RABL3: variants seen among roughly 807,000 people sequenced by gnomAD.
The protein encoded by RABL3 is RAB, member of RAS oncogene family like 3, also known as rab-like protein 3.
Under a neutral mutation model 31.8 loss-of-function variants are expected in RABL3, and 31 were observed. The observed-to-expected ratio is 0.97, with a 90% confidence interval of 0.73 to 1.31. The LOEUF (loss-of-function observed/expected upper bound fraction) is 1.31. Ranked by LOEUF, RABL3 falls within the 40% of genes most tolerant of loss-of-function variation. The pLI is 0.00. For synonymous variants in RABL3, 97 were observed against 99.9 expected (o/e 0.97, Z 0.18); for missense variants, 263 against 279.6 (o/e 0.94, Z 0.42).
intron 3 of RABL3, among the ~76,000 whole-genome samples, chr3:120,707,787 T>G (rs1708568289): frequency 6.6e-6 from 1 of 152,092 alleles, no homozygotes; most frequent in African/African-American, 2.4e-5. Context: ...GATCTTTAGG[T>G]AAGACTTTTG....
intron 1 of RABL3, among the ~76,000 whole-genome samples, chr3:120,738,359 T>C (rs990152309): frequency 6.6e-6 from 1 of 152,216 alleles, no homozygotes; most frequent in South Asian, 2.1e-4. Context: ...AAAAGCACAG[T>C]ATTAGGGTGG....
chr3:120,714,269 G>A (rs2107585110), intron 2 of RABL3, among the ~76,000 whole-genome samples: 1 of 152,280 alleles, frequency 6.6e-6, no homozygotes, highest in South Asian at 2.1e-4. Flanking sequence ...GGTCTTAGGA[G>A]GGAGTTGGTA....
chr3:120,690,518 C>A, intron 6 of RABL3, 31 bp from the exon 7 acceptor site: 1 of 1,562,818 alleles, frequency 6.4e-7, no homozygotes, highest in Non-Finnish European at 8.8e-7. Context: ...AAAGGCTTAG[C>A]ACACATACCT....
rs555171939 is a variant in RABL3 at position 120,698,865 on chromosome 3, T to C, written c.384-292A>G. Among the ~76,000 whole-genome samples the C allele has an allele frequency of 2.6e-5, 4 of 152,314 alleles. No individual in the cohort carries two copies. In the South Asian group the frequency reaches 8.3e-4, roughly 32 times the overall value. On this transcript the variant is annotated intron_variant, in intron 4 of 7. Coordinates refer to ENST00000273375, the MANE Select transcript of RABL3 (RefSeq NM_173825.5). ...ACAACTAAGTGCCCATCAAGTATAT[T>C]ACAGTCAGTGGACTTAACTTCCAAT...
intron 2 of RABL3, among the ~76,000 whole-genome samples, chr3:120,715,471 A>G (rs1708658049): frequency 6.6e-6 from 1 of 152,156 alleles, no homozygotes; most frequent in Non-Finnish European, 1.5e-5. Flanking sequence ...TGGGAGGCAG[A>G]GGTTGCAGTG....
Position 120,689,531 on chromosome 3 carries a change from G to A in RABL3, c.*292C>T. On this transcript the variant is annotated 3_prime_UTR_variant, in exon 8 of 8. Coordinates refer to ENST00000273375, the MANE Select transcript of RABL3 (RefSeq NM_173825.5). The stretch of plus-strand genomic sequence containing the variant: ...TAGGCAAGAGTAAATTTTCTCTGCA[G>A]TACACTGTCATTGCTCATTTACTGC... 3.8e-6 allele frequency: 1 copy of A among 261,938 alleles called. No homozygotes were observed. Among genetic ancestry groups the A allele is most frequent in the Non-Finnish European group, 7.3e-6 (1 of 137,830 alleles). The allele number at this position is 261,938 out of a possible 1,614,324, so 16.2% of individuals were successfully genotyped here. A position where few individuals can be genotyped will look rare whatever the true frequency, so the allele number is the denominator to read the frequency against.
chr3:120,734,285 G>C (rs1708926687), intron 1 of RABL3, among the ~76,000 whole-genome samples: 1 of 152,136 alleles, frequency 6.6e-6, no homozygotes, highest in Non-Finnish European at 1.5e-5. Flanking sequence ...TGGATTCCTA[G>C]GTATTTTATT....
At chr3:120,715,272 C>T (rs1004598633) in intron 2 of RABL3, among the ~76,000 whole-genome samples, 6 of 152,232 alleles carry the variant, frequency 3.9e-5, no homozygotes, top group African/African-American at 1.4e-4. Flanking sequence ...GGTGTGGTGG[C>T]TCATGCCTAT....
chr3:120,739,137 G>A (rs532851736), intron 1 of RABL3, among the ~76,000 whole-genome samples: 1 of 152,308 alleles, frequency 6.6e-6, no homozygotes, highest in African/African-American at 2.4e-5. Flanking sequence ...CCAGCACTTT[G>A]GGAGGCTGAG....
At chr3:120,715,282 T>C (rs1446491752) in intron 2 of RABL3, among the ~76,000 whole-genome samples, 2 of 152,218 alleles carry the variant, frequency 1.3e-5, no homozygotes, top group Non-Finnish European at 2.9e-5. Context: ...CTCATGCCTA[T>C]AATCCCAGCA....
intron 4 of RABL3, 138 bp downstream of exon 4, chr3:120,705,862 G>A: frequency 1.5e-6 from 1 of 653,584 alleles, no homozygotes; most frequent in Non-Finnish European, 2.7e-6. Flanking sequence ...CTTTGTGAAA[G>A]ATACTGTTAA....
At chr3:120,701,523 A>T (rs1708491298) in intron 4 of RABL3, among the ~76,000 whole-genome samples, 1 of 152,198 alleles carries the variant, frequency 6.6e-6, no homozygotes, top group Non-Finnish European at 1.5e-5. Context: ...CCTAACCCTA[A>T]ATTTAAGGAT....
chr3:120,693,024 T>C (rs751337251), intron 6 of RABL3, among the ~76,000 whole-genome samples: 7 of 152,162 alleles, frequency 4.6e-5, no homozygotes, highest in Non-Finnish European at 1.0e-4. Context: ...ACATTTTTCA[T>C]GTCATGGCAC....
intron 1 of RABL3, among the ~76,000 whole-genome samples, chr3:120,731,230 C>T (rs1708878608): frequency 6.6e-6 from 1 of 152,164 alleles, no homozygotes; most frequent in Non-Finnish European, 1.5e-5. Flanking sequence ...GAGAAGTAAT[C>T]CCTCTCTCCT....
chr3:120,695,314 C>A (rs529842612), intron 5 of RABL3, among the ~76,000 whole-genome samples: 1 of 152,018 alleles, frequency 6.6e-6, no homozygotes, highest in Non-Finnish European at 1.5e-5. Context: ...ACAAAGTTGT[C>A]AAAGATCACA....
At chr3:120,715,634 CTTGT>C (rs1202029203) in intron 2 of RABL3, among the ~76,000 whole-genome samples, 1 of 152,008 alleles carries the variant, frequency 6.6e-6, no homozygotes, top group Non-Finnish European at 1.5e-5. Flanking sequence ...TGAAATGTGG[CTTGT>C]TTAACTGAGG....
chr3:120,742,378 G>A (rs1203802690), intron 1 of RABL3, 84 bp downstream of exon 1: 3 of 1,296,250 alleles, frequency 2.3e-6, no homozygotes, highest in Non-Finnish European at 3.4e-6. Flanking sequence ...GAGGAGCCAG[G>A]AAGTTGAGGG....
Position 120,686,855 on chromosome 3 carries a change from T to C in RABL3, c.*2968A>G, listed in dbSNP as rs1375273543. The C allele has an allele frequency of 1.3e-5, 2 of 152,182 alleles. No homozygotes were observed. Among genetic ancestry groups the C allele is most frequent in the Non-Finnish European group, 2.9e-5 (2 of 68,036 alleles). The allele number at this position is 152,182 out of a possible 1,614,324, so 9.4% of individuals were successfully genotyped here. A position where few individuals can be genotyped will look rare whatever the true frequency, so the allele number is the denominator to read the frequency against. On this transcript the variant is annotated 3_prime_UTR_variant, in exon 8 of 8. Coordinates refer to ENST00000273375, the MANE Select transcript of RABL3 (RefSeq NM_173825.5). ...TAATGGTAATAAACTGTGGAGAACTTAGCAAGTCCTATTTGTCCAGATTCT... is the reference window on the plus strand; with the variant it reads ...TAATGGTAATAAACTGTGGAGAACTCAGCAAGTCCTATTTGTCCAGATTCT...
At position 120,740,627 on chromosome 3, in the gene RABL3, A is replaced by C. The variant is rs532369417; in HGVS notation, c.46+1835T>G. ...ATAAGGGAAATGGCCTTTATTTAAA[A>C]ATAAACTTTCGGGTTTGAAAGAAAG... is the stretch of plus-strand genomic sequence containing the variant. On this transcript the variant is annotated intron_variant, in intron 1 of 7. Coordinates refer to ENST00000273375, the MANE Select transcript of RABL3 (RefSeq NM_173825.5). Among the ~76,000 whole-genome samples the C allele has an allele frequency of 2.6e-5, 4 of 152,348 alleles. No homozygotes were observed. The East Asian group carries it at 7.7e-4, about 29-fold the overall frequency.
Sources: allele counts gnomAD v4.1 joint callset (sites outside exome capture counted in the v4.1 genomes callset), GRCh38; gene constraint gnomAD v4.1.1; transcripts MANE v1.5; gene names NCBI Gene and HGNC (gene_info 2026-07-23, HGNC 2026-07-21).